The following OR51G2 variants were observed in gnomAD, a reference collection of about 807,000 sequenced individuals.
OR51G2 encodes olfactory receptor family 51 subfamily G member 2.
In OR51G2, 13 loss-of-function variants were observed where a neutral mutation model predicts 11.8. The observed-to-expected ratio is 1.10, with a 90% CI of 0.72 to 1.76. The LOEUF (loss-of-function observed/expected upper bound fraction) is 1.76. OR51G2 is among the 40% of genes most tolerant of loss of function. The pLI is 0.00. For missense variants in OR51G2, 474 were observed against 394.4 expected (o/e 1.20, Z -1.71); for synonymous variants, 178 against 151.9 (o/e 1.17, Z -1.26).
rs1370442049 is a variant in OR51G2 at position 4,914,047 on chromosome 11, A to C, written c.*672T>G. The C allele has an allele frequency of 2.6e-5, 4 of 152,184 alleles. No individual in the cohort carries two copies. 9.4% of individuals were successfully genotyped at this position (152,184 alleles called of 1,614,324 possible). On this transcript the variant is annotated 3_prime_UTR_variant, in exon 2 of 2. Coordinates refer to ENST00000641926, the MANE Select transcript of OR51G2 (RefSeq NM_001005238.2). ...TAAAAATATTTATTTTGTTTACAAA[A>C]CTGAAATTTTGGCTGAGTCAGAGAA...
chr11:4,915,285 G>C lies in OR51G2; in HGVS notation c.379C>G (p.Arg127Gly). The change falls in exon 2 of 2, where the codon CGC (arginine) becomes GGC (glycine). Residue 127 changes from arginine to glycine, a missense_variant. By Grantham distance (125) the Arg-to-Gly change is moderately radical (BLOSUM62 -2). Coordinates refer to ENST00000641926, the MANE Select transcript of OR51G2 (RefSeq NM_001005238.2). ...SSVLLSMAFD[R>G]FVAICHPLHY... is the part of the protein sequence containing the mutation. ...AAGGGGTGGCAGATAGCCACAAAGC[G>C]GTCAAAGGCCATAGACAGTAGCACA... 6.2e-7 allele frequency: 1 copy of C among 1,613,932 alleles called. No individual in the cohort carries two copies. Among genetic ancestry groups the C allele is most frequent in the Non-Finnish European group, 8.5e-7 (1 of 1,179,990 alleles).
chr11:4,918,157 A>T (rs192749374), intron 1 of OR51G2, among the ~76,000 whole-genome samples: 248 of 152,180 alleles, frequency 1.6e-3, no homozygotes, highest in African/African-American at 5.5e-3. Flanking sequence ...AGAGAATTTT[A>T]TAATATCCCT....
chr11:4,914,426 A>G lies in OR51G2; in HGVS notation c.*293T>C. 3.4e-6 allele frequency: 1 copy of G among 294,852 alleles called. No homozygotes were observed. The highest frequency in any genetic ancestry group is 6.3e-6 in the Non-Finnish European group (1 of 158,346). 18.3% of individuals were successfully genotyped at this position (294,852 alleles called of 1,614,324 possible). ...AAATTCTATCCAGTTTCAAGGGGAGAAGAAGTAGACCCTATCTCTTTATGA... is the reference window on the plus strand; with the variant it reads ...AAATTCTATCCAGTTTCAAGGGGAGGAGAAGTAGACCCTATCTCTTTATGA... On this transcript the variant is annotated 3_prime_UTR_variant, in exon 2 of 2. Transcript: ENST00000641926.
In OR51G2 at chr11:4,915,665, G is replaced by A. The variant is rs1851076865; in HGVS notation, c.-2C>T. 6.2e-7 allele frequency: 1 copy of A among 1,606,420 alleles called. No homozygotes were observed. Among genetic ancestry groups the A allele is most frequent in the African/African-American group, 1.3e-5 (1 of 74,740 alleles). On this transcript the variant is annotated 5_prime_UTR_variant, in exon 2 of 2. Coordinates refer to ENST00000641926, the MANE Select transcript of OR51G2 (RefSeq NM_001005238.2). ...GTTTCCCAGGGATCCCAGGGTCATT[G>A]TGTGAGGAGACAAGGGGGAAGGTGG... is the stretch of plus-strand genomic sequence containing the variant.
Position 4,915,029 on chromosome 11 carries a change from A to G in OR51G2, c.635T>C (p.Val212Ala), listed in dbSNP as rs751546734. The change falls in exon 2 of 2, where the codon GTG becomes GCG. Residue 212 changes from valine (V) to alanine (A), a missense_variant. Coordinates refer to ENST00000641926, the MANE Select transcript of OR51G2 (RefSeq NM_001005238.2). ...IYGMFVIVST[V>A]GIDSLLILFS... ...GAGGATGAGCAGTGAGTCTATACCC[A>G]CTGTAGAGACGATGACAAACATGCC... 2 of 1,614,098 alleles carry G rather than the reference A, an allele frequency of 1.2e-6. No individual in the cohort carries two copies. Among genetic ancestry groups the G allele is most frequent in the Non-Finnish European group, 1.7e-6 (2 of 1,180,024 alleles).
Position 4,915,577 on chromosome 11 carries a change from G to A in OR51G2, c.87C>T (p.His29=). Residue 29 remains histidine (H), a synonymous_variant, in exon 2 of 2, where the codon CAC becomes CAT. Transcript: ENST00000641926. Reference sequence around the variant, plus strand: ...AGCACAGTGGGATGGAGATCCAGATGTGCATGCGCTCCAGCCCAGGGATGC... The same window carrying A: ...AGCACAGTGGGATGGAGATCCAGATATGCATGCGCTCCAGCCCAGGGATGC... ...LSGIPGLERM[H]IWISIPLCFM... 6.2e-7 allele frequency: 1 copy of A among 1,614,062 alleles called. No individual in the cohort carries two copies.
In OR51G2 at chr11:4,914,742, C is replaced by G. The variant is rs764572822; in HGVS notation, c.922G>C (p.Val308Leu). The G allele has an allele frequency of 2.5e-6, 4 of 1,612,480 alleles. No individual in the cohort carries two copies. The South Asian group carries it at 4.4e-5, about 18-fold the overall frequency. ...SVKTKQIRDRVTHAFCY is the reference protein window; with the variant it reads ...SVKTKQIRDRLTHAFCY ...AGTTAGTAACAAAAGGCATGCGTCA[C>G]TCGATCCCGGATCTGTTTGGTCTTC... Residue 308 changes from valine to leucine, a missense_variant, in exon 2 of 2, where the codon GTG (valine) becomes CTG (leucine). Val to Leu is a conservative substitution (Grantham distance 32, BLOSUM62 1). Coordinates refer to ENST00000641926, the MANE Select transcript of OR51G2 (RefSeq NM_001005238.2).
intron 1 of OR51G2, 25 bp from the exon 2 acceptor site, chr11:4,915,764 T>C: frequency 1.4e-6 from 1 of 696,930 alleles, no homozygotes; most frequent in South Asian, 1.9e-5. Context: ...AGAAAAAAAA[T>C]AGAATCAAAT....
Position 4,914,737 on chromosome 11 carries a change from C to G in OR51G2, c.927G>C (p.Thr309=), listed in dbSNP as rs142193749. ...GACACAGTTAGTAACAAAAGGCATG[C>G]GTCACTCGATCCCGGATCTGTTTGG... The part of the protein sequence containing the change: ...VKTKQIRDRV[T]HAFCY Residue 309 remains threonine, a synonymous_variant, in exon 2 of 2, where the codon ACG becomes ACC. Coordinates refer to ENST00000641926, the MANE Select transcript of OR51G2 (RefSeq NM_001005238.2). 3.0e-5 allele frequency: 48 copies of G among 1,611,160 alleles called. No individual in the cohort carries two copies. Among genetic ancestry groups the G allele is most frequent in the Non-Finnish European group, 3.9e-5 (46 of 1,177,798 alleles).
chr11:4,914,551 CCT>C lies in OR51G2; in HGVS notation c.*166_*167del. The C allele has an allele frequency of 1.7e-6, 1 of 574,090 alleles. No homozygotes were observed. Among genetic ancestry groups the C allele is most frequent in the Non-Finnish European group, 3.1e-6 (1 of 323,674 alleles). The allele number at this position is 574,090 out of a possible 1,614,324, so 35.6% of individuals were successfully genotyped here. On this transcript the variant is annotated 3_prime_UTR_variant, in exon 2 of 2. Transcript: ENST00000641926. The stretch of plus-strand genomic sequence containing the variant: ...CACATCATATTACATTTTACCCCCC[CCT>C]GCCCTGGCCACAACAGAGTGAGGGT...
chr11:4,917,331 T>C lies in OR51G2; in HGVS notation c.-76-1592A>G, dbSNP rs1368756715. 3.9e-5 allele frequency among the ~76,000 whole-genome samples: 6 copies of C among 152,018 alleles called. No individual in the cohort carries two copies. In the South Asian group the frequency reaches 8.3e-4, roughly 21 times the overall value. ...ATCAGACAAATAGTAAAGACAAAAA[T>C]AGGATTTGAACGAATATTTGATTTT... On this transcript the variant is annotated intron_variant, in intron 1 of 1. Coordinates refer to ENST00000641926, the MANE Select transcript of OR51G2 (RefSeq NM_001005238.2).
Position 4,914,842 on chromosome 11 carries a change from G to A in OR51G2, c.822C>T (p.Pro274=), listed in dbSNP as rs199760109. The part of the protein sequence containing the change: ...SVIHRFGKQA[P]HLVQVVMGFM... ...AACCCATGACCACCTGGACCAGGTGGGGTGCCTGCTTTCCAAAGCGATGGA... is the reference window on the plus strand; with the variant it reads ...AACCCATGACCACCTGGACCAGGTGAGGTGCCTGCTTTCCAAAGCGATGGA... Residue 274 remains proline (P), a synonymous_variant, in exon 2 of 2, where the codon CCC becomes CCT. Coordinates refer to ENST00000641926, the MANE Select transcript of OR51G2 (RefSeq NM_001005238.2). 10 of 1,613,996 alleles carry A rather than the reference G, an allele frequency of 6.2e-6. No individual in the cohort carries two copies. In the East Asian group the frequency reaches 2.0e-4, roughly 32 times the overall value.
At chr11:4,916,498 G>A (rs1851094104) in intron 1 of OR51G2, among the ~76,000 whole-genome samples, 1 of 150,978 alleles carries the variant, frequency 6.6e-6, no homozygotes, top group Admixed American at 6.6e-5. Flanking sequence ...ATCTTACTGT[G>A]CTTTCTTTGT....
Position 4,915,313 on chromosome 11 carries a change from G to T in OR51G2, c.351C>A (p.Ser117=). Residue 117 remains serine (S), a synonymous_variant, in exon 2 of 2, where the codon TCC becomes TCA. Coordinates refer to ENST00000641926, the MANE Select transcript of OR51G2 (RefSeq NM_001005238.2). ...CAAAGGCCATAGACAGTAGCACAGA[G>T]GACTCGAGGAAGGAGAAGCAGTGAA... The part of the protein sequence containing the change: ...FFIHCFSFLE[S]SVLLSMAFDR... 3 of 1,613,988 alleles carry T rather than the reference G, an allele frequency of 1.9e-6. No homozygotes were observed. Among genetic ancestry groups the T allele is most frequent in the Non-Finnish European group, 2.5e-6 (3 of 1,179,998 alleles).
At chr11:4,917,322 A>G (rs1851111683) in intron 1 of OR51G2, among the ~76,000 whole-genome samples, 1 of 152,206 alleles carries the variant, frequency 6.6e-6, no homozygotes, top group African/African-American at 2.4e-5. Context: ...CAAATAGTAA[A>G]GACAAAAATA....
intron 1 of OR51G2, among the ~76,000 whole-genome samples, 177 bp from the exon 2 acceptor site, chr11:4,915,916 G>C (rs973265464): frequency 2.6e-5 from 4 of 152,138 alleles, no homozygotes; most frequent in Non-Finnish European, 5.9e-5. Context: ...GCCAAACTGG[G>C]TGAGTTGGAG....
Position 4,915,031 on chromosome 11 carries a change from T to A in OR51G2, c.633A>T (p.Thr211=). 2 of 1,613,962 alleles carry A rather than the reference T, an allele frequency of 1.2e-6. No homozygotes were observed. The highest frequency in any genetic ancestry group is 1.7e-6 in the Non-Finnish European group (2 of 1,180,008). ...SIYGMFVIVS[T]VGIDSLLILF... ...GGATGAGCAGTGAGTCTATACCCAC[T>A]GTAGAGACGATGACAAACATGCCGT... Residue 211 remains threonine, a synonymous_variant, in exon 2 of 2, where the codon ACA becomes ACT. Coordinates refer to ENST00000641926, the MANE Select transcript of OR51G2 (RefSeq NM_001005238.2).
intron 1 of OR51G2, among the ~76,000 whole-genome samples, chr11:4,917,342 C>T (rs559677264): frequency 1.2e-4 from 19 of 152,108 alleles, no homozygotes; most frequent in African/African-American, 3.6e-4. Flanking sequence ...AGGATTTGAA[C>T]GAATATTTGA....
At position 4,918,946 on chromosome 11, in the gene OR51G2, C is replaced by T. The variant is rs551423308; in HGVS notation, c.-77+231G>A. Among the ~76,000 whole-genome samples the T allele has an allele frequency of 5.3e-5, 8 of 152,330 alleles. No individual in the cohort carries two copies. The South Asian group carries it at 1.7e-3, about 32-fold the overall frequency. On this transcript the variant is annotated intron_variant, in intron 1 of 1. Coordinates refer to ENST00000641926, the MANE Select transcript of OR51G2 (RefSeq NM_001005238.2). Reference sequence around the variant, plus strand: ...GTCTGAGACTAGGGGTAGATGTTGACCTTTAATAACCGAGCTCGTTTCATG... The same window carrying T: ...GTCTGAGACTAGGGGTAGATGTTGATCTTTAATAACCGAGCTCGTTTCATG...
Sources: allele counts gnomAD v4.1 joint callset (sites outside exome capture counted in the v4.1 genomes callset), GRCh38; gene constraint gnomAD v4.1.1; transcripts MANE v1.5; gene names NCBI Gene and HGNC (gene_info 2026-07-23, HGNC 2026-07-21).